The following TLN2 variants were observed in gnomAD, a reference collection of about 807,000 sequenced individuals.
TLN2 encodes the protein talin 2.
In TLN2, 118 loss-of-function variants were observed where a neutral mutation model predicts 294.7. The observed-to-expected ratio is 0.40, with a 90% CI of 0.34 to 0.47. The LOEUF is 0.47. Ranked by LOEUF, TLN2 falls within the 20% of genes least tolerant of loss-of-function variation. TLN2 has a pLI of 0.84. For missense variants in TLN2, 3,083 were observed against 3,282.2 expected (o/e 0.94, Z 1.48); for synonymous variants, 1,431 against 1,304.5 (o/e 1.10, Z -2.09).
At chr15:62,470,832 GAA>G (rs916639871) in intron 1 of TLN2, among the ~76,000 whole-genome samples, 3 of 152,214 alleles carry the variant, frequency 2.0e-5, no homozygotes, top group African/African-American at 7.2e-5. Flanking sequence ...CTTGGAGAGA[GAA>G]CATATCAAGA....
intron 3 of TLN2, among the ~76,000 whole-genome samples, chr15:62,640,862 C>T (rs905283240): frequency 1.3e-5 from 2 of 152,012 alleles, no homozygotes; most frequent in African/African-American, 4.8e-5. Flanking sequence ...AGTGCAGTGG[C>T]GCGATCTTGG....
At chr15:62,773,715 G>C (rs2063503742) in intron 42 of TLN2, among the ~76,000 whole-genome samples, 1 of 152,030 alleles carries the variant, frequency 6.6e-6, no homozygotes, top group African/African-American at 2.4e-5. Context: ...ACAAGCTTTG[G>C]GGTCAAACAT....
chr15:62,550,969 T>G (rs1026874344), intron 1 of TLN2, among the ~76,000 whole-genome samples: 6 of 152,146 alleles, frequency 3.9e-5, no homozygotes, highest in Non-Finnish European at 8.8e-5. Flanking sequence ...CTCACCATAA[T>G]GTAGAATCAG....
At chr15:62,758,207 T>A (rs1468917362) in intron 37 of TLN2, among the ~76,000 whole-genome samples, 1 of 151,992 alleles carries the variant, frequency 6.6e-6, no homozygotes, top group African/African-American at 2.4e-5. Flanking sequence ...AGGAGCAGAT[T>A]ACCTCACACA....
In TLN2 at chr15:62,796,216, C is replaced by G; in HGVS notation, c.5973C>G (p.Ala1991=). Residue 1991 remains alanine, a synonymous_variant, in exon 47 of 59, where the codon GCC becomes GCG. Transcript: ENST00000636159. ...CCACCGCTGTGTCTGGGATCATTGC[C>G]GACCTGGACACCACCATTATGTTTG... ...TAATAVSGII[A]DLDTTIMFAT... 1.2e-6 allele frequency: 2 copies of G among 1,614,200 alleles called. No individual in the cohort carries two copies. The highest frequency in any genetic ancestry group is 1.1e-5 in the South Asian group (1 of 91,076).
At chr15:62,401,623 A>T (rs2033030209) in intron 1 of TLN2, among the ~76,000 whole-genome samples, 1 of 152,118 alleles carries the variant, frequency 6.6e-6, no homozygotes, top group South Asian at 2.1e-4. Context: ...TGTGATTCTA[A>T]TGTGCAGCCA....
At chr15:62,548,137 T>C (rs1273463732) in intron 1 of TLN2, among the ~76,000 whole-genome samples, 1 of 152,198 alleles carries the variant, frequency 6.6e-6, no homozygotes, top group African/African-American at 2.4e-5. Context: ...AAGAAAATTA[T>C]GGTCCTGGAT....
Position 62,464,123 on chromosome 15 carries a change from C to T in TLN2, c.-238+73438C>T, listed in dbSNP as rs147329989. Among the ~76,000 whole-genome samples the T allele has an allele frequency of 1.7e-4, 26 of 152,278 alleles. No homozygotes were observed. The East Asian group carries it at 3.7e-3, about 21-fold the overall frequency. Reference sequence around the variant, plus strand: ...ATGCTACTATGAAGACACACACAAACGTGTGTTTATTGTGGCACTATTCAC... The same window carrying T: ...ATGCTACTATGAAGACACACACAAATGTGTGTTTATTGTGGCACTATTCAC... On this transcript the variant is annotated intron_variant, in intron 1 of 58. Coordinates refer to ENST00000636159, the MANE Select transcript of TLN2 (RefSeq NM_015059.3).
At chr15:62,797,529 G>A in intron 48 of TLN2, 127 bp downstream of exon 48, 3 of 1,173,160 alleles carry the variant, frequency 2.6e-6, no homozygotes, top group East Asian at 2.6e-5. Flanking sequence ...AGTGTGTCTG[G>A]TTTGAGGAAC....
chr15:62,556,164 T>G (rs944422337), intron 1 of TLN2, among the ~76,000 whole-genome samples: 2 of 151,956 alleles, frequency 1.3e-5, no homozygotes, highest in African/African-American at 4.8e-5. Context: ...AAATTTAAAA[T>G]AAGATTGGTT....
At chr15:62,500,980 A>T (rs879912073) in intron 1 of TLN2, among the ~76,000 whole-genome samples, 1 of 152,232 alleles carries the variant, frequency 6.6e-6, no homozygotes, top group Non-Finnish European at 1.5e-5. Flanking sequence ...GGGGGCTTGA[A>T]GTCCCGCCAG....
chr15:62,780,766 C>T (rs1227712545), intron 43 of TLN2, among the ~76,000 whole-genome samples: 2 of 152,202 alleles, frequency 1.3e-5, no homozygotes, highest in African/African-American at 2.4e-5. Context: ...TGGCACTTTG[C>T]GCTTCCCTAG....
chr15:62,648,690 G>A (rs1411245466), intron 4 of TLN2, among the ~76,000 whole-genome samples: 1 of 151,700 alleles, frequency 6.6e-6, no homozygotes, highest in Non-Finnish European at 1.5e-5. Flanking sequence ...TGGGATTACA[G>A]GTGCACACCA....
chr15:62,458,469 A>G (rs1392529183), intron 1 of TLN2, among the ~76,000 whole-genome samples: 2 of 152,080 alleles, frequency 1.3e-5, no homozygotes, highest in African/African-American at 4.8e-5. Flanking sequence ...CTGGTTGGTC[A>G]TGGTTTTTCT....
At chr15:62,507,808 GCA>G (rs1567041574) in intron 1 of TLN2, among the ~76,000 whole-genome samples, 2 of 152,246 alleles carry the variant, frequency 1.3e-5, no homozygotes, top group African/African-American at 2.4e-5. Flanking sequence ...GCTGTGCAGT[GCA>G]CAGTTTTGCC....
chr15:62,689,877 T>TTTTTTTTTTAA (rs71131119), intron 12 of TLN2, among the ~76,000 whole-genome samples: 1 of 9,834 alleles, frequency 1.0e-4, no homozygotes, highest in African/African-American at 1.9e-4. Context: ...TTTTTTTTTT[T>TTTTTTTTTTAA]ATTGGCTGAC....
intron 4 of TLN2, among the ~76,000 whole-genome samples, chr15:62,648,744 T>C (rs1417450437): frequency 6.6e-6 from 1 of 152,030 alleles, no homozygotes; most frequent in Admixed American, 6.5e-5. Flanking sequence ...AGACGGGGTT[T>C]CACCATGTTG....
chr15:62,738,305 A>G lies in TLN2; in HGVS notation c.3659A>G (p.Glu1220Gly). Residue 1220 changes from glutamate to glycine, a missense_variant, in exon 30 of 59, where the codon GAG (glutamate) becomes GGG (glycine). Transcript: ENST00000636159. ...DVDVALKSIG[E>G]SSKKLLVDSL... ...GACGTGGCCTTGAAGAGCATCGGGGAGTCCAGCAAGAAGCTGCTTGTGGAT... is the reference window on the plus strand; with the variant it reads ...GACGTGGCCTTGAAGAGCATCGGGGGGTCCAGCAAGAAGCTGCTTGTGGAT... 6.2e-7 allele frequency: 1 copy of G among 1,613,974 alleles called. No individual in the cohort carries two copies. Among genetic ancestry groups the G allele is most frequent in the Middle Eastern group, 1.7e-4 (1 of 6,060 alleles).
At chr15:62,805,917 T>A (rs564431327) in intron 51 of TLN2, 132 bp downstream of exon 51, 6 of 986,930 alleles carry the variant, frequency 6.1e-6, no homozygotes, top group Non-Finnish European at 8.5e-6. Context: ...GGGCCAGGGG[T>A]AGTGGCTTAT....
Sources: gnomAD v4.1 joint callset for allele counts (sites outside exome capture counted in the v4.1 genomes callset) on GRCh38, gnomAD v4.1.1 for gene constraint, MANE v1.5 for transcripts, NCBI Gene and HGNC (gene_info 2026-07-23, HGNC 2026-07-21) for gene names.